The following PITPNM1 variants were observed in gnomAD, a reference collection of about 807,000 sequenced individuals.
The protein encoded by PITPNM1 is membrane-associated phosphatidylinositol transfer protein 1.
In PITPNM1, 74 loss-of-function variants were observed where a neutral mutation model predicts 133.3. That is an observed-to-expected ratio of 0.56 (90% CI 0.46 to 0.67). The LOEUF is 0.67. PITPNM1 is among the 30% of genes least tolerant of loss of function. The pLI, the probability that PITPNM1 is intolerant of heterozygous loss-of-function variation, is 0.00. For missense variants in PITPNM1, 1,398 were observed against 1,739.5 expected (o/e 0.80, Z 3.49); for synonymous variants, 738 against 741.4 (o/e 1.00, Z 0.08).
At position 67,502,840 on chromosome 11, in the gene PITPNM1, AACCAGACC is replaced by A. The variant is rs369114431; in HGVS notation, c.79-130_79-123del. 1.4e-4 allele frequency: 131 copies of A among 938,944 alleles called. No individual in the cohort carries two copies. The African/African-American group carries it at 1.8e-3, about 13-fold the overall frequency. 58.2% of individuals were successfully genotyped at this position (938,944 alleles called of 1,614,324 possible). A position where few individuals can be genotyped will look rare whatever the true frequency, so the allele number is the denominator to read the frequency against. ...GGTCCCAGCCTTTTCAACTCCCTGA[AACCAGACC>A]CCGCCCCACCAAAGCTCCCTGGGAT... On this transcript the variant is annotated intron_variant, in intron 2 of 23. Coordinates refer to ENST00000356404, the MANE Select transcript of PITPNM1 (RefSeq NM_004910.3). The surrounding 1 kb of genome is among the most constrained non-coding windows in gnomAD (Gnocchi z 5.9).
intron 2 of PITPNM1, 132 bp downstream of exon 2, chr11:67,503,971 C>A: frequency 1.6e-6 from 1 of 630,088 alleles, no homozygotes; most frequent in Non-Finnish European, 2.7e-6. Flanking sequence ...CAGTCCTTCC[C>A]CATTCCCACA....
At position 67,493,009 on chromosome 11, in the gene PITPNM1, G is replaced by C; in HGVS notation, c.3396C>G (p.Tyr1132Ter). 1 of 1,612,976 alleles carries C rather than the reference G, an allele frequency of 6.2e-7. No individual in the cohort carries two copies. The stretch of plus-strand genomic sequence containing the variant: ...GGCTCGGGGACAGCCCCAGCGCCGC[G>C]TATACAGCCACATCTTTGGGAGACC... ...GYGSPKDVAV[Y>*]AALGLSPSQT... Residue 1132 changes from tyrosine to a stop codon, truncating the protein, a stop_gained, in exon 23 of 24, where the codon TAC becomes TAG. Transcript: ENST00000356404. LOFTEE classifies it high-confidence loss of function.
chr11:67,492,156 C>T lies in PITPNM1; in HGVS notation c.3612G>A (p.Gln1204=), dbSNP rs778806639. 1 of 1,611,700 alleles carries T rather than the reference C, an allele frequency of 6.2e-7. No homozygotes were observed. ...VAAPVDFLRK[Q]SQLLRSRGPS... ...GGCCCCTCGAGCGAAGCAGCTGGCT[C>T]TGTTTGCGCAGGAAGTCCACGGGGG... The change falls in exon 24 of 24, where the codon CAG becomes CAA. Residue 1204 remains glutamine (Q), a synonymous_variant. Coordinates refer to ENST00000356404, the MANE Select transcript of PITPNM1 (RefSeq NM_004910.3).
intron 2 of PITPNM1, among the ~76,000 whole-genome samples, chr11:67,503,490 C>T (rs2134333200): frequency 6.6e-6 from 1 of 152,342 alleles, no homozygotes; most frequent in East Asian, 1.9e-4. Context: ...ATCCTGCCTT[C>T]TATTGCTCCG....
At chr11:67,494,186 G>T in intron 19 of PITPNM1, 58 bp downstream of exon 19, 2 of 1,585,476 alleles carry the variant, frequency 1.3e-6, no homozygotes, top group Non-Finnish European at 1.7e-6. Context: ...ACCAGGAGCT[G>T]TTCCGAGGAC....
At chr11:67,505,509 C>CG (rs1340360991), upstream of PITPNM1, 1 of 152,282 alleles carries the variant, frequency 6.6e-6, no homozygotes, top group Non-Finnish European at 1.5e-5. This position sits in a 1 kb window ranked among gnomAD's most constrained non-coding sequence, Gnocchi z 5.8. Flanking sequence ...TTCCTTCCCC[C>CG]GGGCAGTGGG....
chr11:67,493,254 T>A (rs1028834386), intron 22 of PITPNM1, among the ~76,000 whole-genome samples, 156 bp downstream of exon 22: 3 of 151,728 alleles, frequency 2.0e-5, no homozygotes, highest in Non-Finnish European at 4.4e-5. Flanking sequence ...ACGGGGCCCC[T>A]CAAACTAGGG....
In PITPNM1 at chr11:67,500,153, G is replaced by T; in HGVS notation, c.909C>A (p.Ala303=). 1 of 1,593,890 alleles carries T rather than the reference G, an allele frequency of 6.3e-7. No homozygotes were observed. ...ATGAGGACCACTGCTTCCCAAAGCT[G>T]GCATCGGGGGAGGCATCTGGGCCTG... ...APPGPDASPD[A]SFGKQWSSSS... Residue 303 remains alanine (A), a synonymous_variant, in exon 6 of 24, where the codon GCC becomes GCA. Transcript: ENST00000356404.
In PITPNM1 at chr11:67,502,596, G is replaced by T. The variant is rs1456922024; in HGVS notation, c.201C>A (p.Ser67=). 1 of 1,613,596 alleles carries T rather than the reference G, an allele frequency of 6.2e-7. No individual in the cohort carries two copies. The highest frequency in any genetic ancestry group is 2.2e-5 in the East Asian group (1 of 44,888). ...QYTHKVYHVG[S]HIPGWFRALL... is the part of the protein sequence containing the mutation. ...GTGCCCGGAACCAGCCTGGGATGTG[G>T]GAGCCCACGTGGTACACCTTGTGTG... The change falls in exon 3 of 24, where the codon TCC becomes TCA. Residue 67 remains serine (S), a synonymous_variant. Coordinates refer to ENST00000356404, the MANE Select transcript of PITPNM1 (RefSeq NM_004910.3). The surrounding 1 kb of genome is among the most constrained non-coding windows in gnomAD (Gnocchi z 5.9).
chr11:67,497,633 AG>A lies in PITPNM1; in HGVS notation c.1828del (p.Leu610TrpfsTer101). On this transcript the variant is annotated frameshift_variant, in exon 13 of 24. Transcript: ENST00000356404. LOFTEE classifies it high-confidence loss of function. ...SPEFGPVRDP[L>X]ADGVEGLGRG... ...ACCCAGGCCTTCCACACCATCTGCC[AG>A]GGGGTCCCGCACTGGGCCAAACTCC... 6.2e-7 allele frequency: 1 copy of A among 1,608,662 alleles called. No homozygotes were observed. Among genetic ancestry groups the A allele is most frequent in the Non-Finnish European group, 8.5e-7 (1 of 1,178,700 alleles).
intron 14 of PITPNM1, chr11:67,496,624 A>G (rs1866130178): frequency 6.9e-6 from 3 of 434,798 alleles, no homozygotes; most frequent in Non-Finnish European, 1.2e-5. Context: ...ACATGGTGAA[A>G]CCCCGTCTCC....
intron 22 of PITPNM1, 102 bp downstream of exon 22, chr11:67,493,308 C>A: frequency 7.6e-7 from 1 of 1,309,730 alleles, no homozygotes; most frequent in East Asian, 2.5e-5. Context: ...AGGGCCCGGG[C>A]CGATCCAGTT....
Position 67,495,419 on chromosome 11 carries a change from C to T in PITPNM1, c.2482+19G>A. On this transcript the variant is annotated intron_variant, in intron 16 of 23. Transcript: ENST00000356404. ...CCTCCCCCACCCCCAGGCTGGACTG[C>T]CTAGGCTGGCTGACTTACTCTTAAC... The T allele has an allele frequency of 1.3e-6, 2 of 1,487,784 alleles. No homozygotes were observed. The highest frequency in any genetic ancestry group is 1.8e-6 in the Non-Finnish European group (2 of 1,114,996). 92.2% of individuals were successfully genotyped at this position (1,487,784 alleles called of 1,614,324 possible).
At position 67,493,030 on chromosome 11, in the gene PITPNM1, A is replaced by C; in HGVS notation, c.3375T>G (p.Ser1125=). 1 of 1,613,074 alleles carries C rather than the reference A, an allele frequency of 6.2e-7. No homozygotes were observed. The highest frequency in any genetic ancestry group is 1.7e-5 in the Admixed American group (1 of 60,024). Residue 1125 remains serine (S), a synonymous_variant, in exon 23 of 24, where the codon TCT becomes TCG. Transcript: ENST00000356404. ...CCGCGTATACAGCCACATCTTTGGG[A>C]GACCCATAACCGGCCACGATGTTCA... The part of the protein sequence containing the change: ...VELNIVAGYG[S]PKDVAVYAAL...
upstream of PITPNM1, chr11:67,505,439 C>G (rs1342729530): frequency 6.6e-6 from 1 of 152,282 alleles, no homozygotes; most frequent in African/African-American, 2.4e-5. The surrounding 1 kb of genome is among the most constrained non-coding windows in gnomAD (Gnocchi z 5.8). Flanking sequence ...CCCTCCCCAC[C>G]CCGGCGGGGT....
Position 67,495,460 on chromosome 11 carries a change from G to A in PITPNM1, c.2460C>T (p.Ser820=). 1 of 1,536,976 alleles carries A rather than the reference G, an allele frequency of 6.5e-7. No individual in the cohort carries two copies. The highest frequency in any genetic ancestry group is 8.8e-7 in the Non-Finnish European group (1 of 1,141,262). Residue 820 remains serine, a synonymous_variant, in exon 16 of 24, where the codon AGC becomes AGT. Coordinates refer to ENST00000356404, the MANE Select transcript of PITPNM1 (RefSeq NM_004910.3). ...TACTCTTAACCACCTCACTGGTGGT[G>A]CTGGGGGCGGCTGGCTGGGCCGGGG... is the stretch of plus-strand genomic sequence containing the variant. ...TDPPAQPAAP[S]TTSEVVKILE...
Position 67,497,659 on chromosome 11 carries a change from C to T in PITPNM1, c.1803G>A (p.Pro601=), listed in dbSNP as rs766576230. The change falls in exon 13 of 24, where the codon CCG becomes CCA. Residue 601 remains proline, a synonymous_variant. Coordinates refer to ENST00000356404, the MANE Select transcript of PITPNM1 (RefSeq NM_004910.3). ...GGGGGTCCCGCACTGGGCCAAACTCCGGAGAGAGCAGCTCATTGTTCTGGA... is the reference window on the plus strand; with the variant it reads ...GGGGGTCCCGCACTGGGCCAAACTCTGGAGAGAGCAGCTCATTGTTCTGGA... ...RGSMNNELLS[P]EFGPVRDPLA... 39 of 1,610,836 alleles carry T rather than the reference C, an allele frequency of 2.4e-5. No homozygotes were observed. The Admixed American group carries it at 3.7e-4, about 15-fold the overall frequency.
chr11:67,503,235 G>A (rs1866390960), intron 2 of PITPNM1, among the ~76,000 whole-genome samples: 1 of 152,220 alleles, frequency 6.6e-6, no homozygotes, highest in Admixed American at 6.5e-5. Flanking sequence ...TGACTTTAAG[G>A]AGGTGAGGTA....
chr11:67,495,306 C>A lies in PITPNM1; in HGVS notation c.2483-81G>T, dbSNP rs375265073. 3.4e-5 allele frequency: 50 copies of A among 1,486,392 alleles called. 1 individual carries two copies. The African/African-American group carries it at 6.1e-4, about 18-fold the overall frequency. The allele number at this position is 1,486,392 out of a possible 1,614,324, so 92.1% of individuals were successfully genotyped here. Reference sequence around the variant, plus strand: ...GGGCGCTGGGTGCTCTTCCCTCCCCCCTTTTCACCCAGCCTGCTCTTTGCC... The same window carrying A: ...GGGCGCTGGGTGCTCTTCCCTCCCCACTTTTCACCCAGCCTGCTCTTTGCC... On this transcript the variant is annotated intron_variant, in intron 16 of 23. Transcript: ENST00000356404.
Sources: gnomAD v4.1 joint callset for allele counts (sites outside exome capture counted in the v4.1 genomes callset) on GRCh38, gnomAD v4.1.1 for gene constraint, Gnocchi (gnomAD v3.1) non-coding constraint, MANE v1.5 for transcripts, NCBI Gene and HGNC (gene_info 2026-07-23, HGNC 2026-07-21) for gene names.